The following MAGI2 variants were observed in gnomAD, a reference collection of about 807,000 sequenced individuals.
MAGI2 encodes the protein membrane associated guanylate kinase, WW and PDZ domain containing 2, also known as membrane-associated guanylate kinase, WW and PDZ domain-containing protein 2.
In MAGI2, 35 loss-of-function variants were observed where a neutral mutation model predicts 133.3. That is an observed-to-expected ratio of 0.26 (90% CI 0.20 to 0.35). The LOEUF is 0.35. MAGI2 is among the 10% of genes least tolerant of loss of function. The pLI is 1.00. For missense variants in MAGI2, 1,636 were observed against 1,863.4 expected, an observed-to-expected ratio of 0.88 and a Z score of 2.25; for synonymous variants, 729 against 710.6, an observed-to-expected ratio of 1.03 and a Z score of -0.41.
intron 2 of MAGI2, among the ~76,000 whole-genome samples, chr7:78,748,705 A>G (rs577736111): frequency 6.6e-6 from 1 of 152,230 alleles, no homozygotes; most frequent in Non-Finnish European, 1.5e-5. Flanking sequence ...TAAAAAAGAT[A>G]TCGATAGGAC....
intron 1 of MAGI2, among the ~76,000 whole-genome samples, chr7:79,170,130 T>G (rs932524062): frequency 6.9e-6 from 1 of 144,820 alleles, no homozygotes; most frequent in African/African-American, 2.5e-5. Flanking sequence ...TACTTTGAGA[T>G]ATTATACTTT....
chr7:78,991,812 T>C (rs1562760014), intron 2 of MAGI2, among the ~76,000 whole-genome samples: 1 of 152,032 alleles, frequency 6.6e-6, no homozygotes. Context: ...TCAAACCTTT[T>C]ATAGGGTTAA....
intron 7 of MAGI2, among the ~76,000 whole-genome samples, chr7:78,349,498 C>T (rs1207738466): frequency 6.6e-6 from 1 of 152,196 alleles, no homozygotes; most frequent in Non-Finnish European, 1.5e-5. Flanking sequence ...CAACTTTCCA[C>T]CTGCATGTAA....
intron 21 of MAGI2, among the ~76,000 whole-genome samples, chr7:78,056,887 C>T (rs901340105): frequency 1.3e-5 from 2 of 152,052 alleles, no homozygotes; most frequent in African/African-American, 4.8e-5. Flanking sequence ...CACATCCCTC[C>T]CACATTTTCT....
intron 10 of MAGI2, among the ~76,000 whole-genome samples, chr7:78,225,431 C>T (rs896847755): frequency 2.4e-4 from 36 of 152,080 alleles, no homozygotes; most frequent in Admixed American, 1.5e-3. Context: ...TTCACTGCAG[C>T]CTTGGCCTCC....
intron 9 of MAGI2, among the ~76,000 whole-genome samples, chr7:78,272,820 G>A (rs1794715367): frequency 6.6e-6 from 1 of 151,872 alleles, no homozygotes; most frequent in Non-Finnish European, 1.5e-5. Flanking sequence ...CCTTTATTTT[G>A]AGTCTATGTG....
chr7:78,676,443 T>C (rs1376585074), intron 2 of MAGI2, among the ~76,000 whole-genome samples: 2 of 152,144 alleles, frequency 1.3e-5, no homozygotes, highest in African/African-American at 4.8e-5. Flanking sequence ...ACTCCAGGAA[T>C]TACTCTTTTA....
chr7:78,549,988 G>A (rs1197941912), intron 3 of MAGI2, among the ~76,000 whole-genome samples: 2 of 152,140 alleles, frequency 1.3e-5, no homozygotes, highest in Non-Finnish European at 2.9e-5. Context: ...GGTTTTCAGG[G>A]TGAAGCCCAC....
chr7:78,179,327 A>G (rs1826964081), intron 13 of MAGI2, among the ~76,000 whole-genome samples: 1 of 152,256 alleles, frequency 6.6e-6, no homozygotes, highest in East Asian at 1.9e-4. Flanking sequence ...ACATGATTAT[A>G]CAGTAGCACT....
At chr7:78,707,990 A>G (rs996060968) in intron 2 of MAGI2, among the ~76,000 whole-genome samples, 1 of 152,108 alleles carries the variant, frequency 6.6e-6, no homozygotes, top group Non-Finnish European at 1.5e-5. Flanking sequence ...TATAAGATTA[A>G]TCTATATCCA....
At position 79,453,156 on chromosome 7, in the gene MAGI2, C is replaced by T. The variant is rs776192640; in HGVS notation, c.165G>A (p.Glu55=). ...GEVKPGKVAY[E]SGSKLVSEEL... ...CCTCCGACACCAATTTGCTGCCGCTCTCATAGGCCACCTTGCCGGGCTTCA... is the reference window on the plus strand; with the variant it reads ...CCTCCGACACCAATTTGCTGCCGCTTTCATAGGCCACCTTGCCGGGCTTCA... The change falls in exon 1 of 22, where the codon GAG becomes GAA. Residue 55 remains glutamate (E), a synonymous_variant. Coordinates refer to ENST00000354212, the MANE Select transcript of MAGI2 (RefSeq NM_012301.4). The T allele has an allele frequency of 3.8e-5, 62 of 1,613,958 alleles. No individual in the cohort carries two copies. Among genetic ancestry groups the T allele is most frequent in the Middle Eastern group, 1.6e-4 (1 of 6,084 alleles).
At chr7:79,320,570 A>T (rs909025512) in intron 1 of MAGI2, among the ~76,000 whole-genome samples, 2 of 152,222 alleles carry the variant, frequency 1.3e-5, no homozygotes, top group African/African-American at 4.8e-5. Context: ...ATCTTGAGAA[A>T]CTTCAATAAT....
chr7:78,478,617 C>G (rs1421235047), intron 6 of MAGI2, among the ~76,000 whole-genome samples: 3 of 143,144 alleles, frequency 2.1e-5, no homozygotes, highest in African/African-American at 3.0e-5. Context: ...CATCTGGTTC[C>G]AAACAAGATG....
Position 79,084,164 on chromosome 7 carries a change from A to G in MAGI2, c.302-76958T>C, listed in dbSNP as rs1816287686. Among the ~76,000 whole-genome samples, 5 of 151,658 alleles carry G rather than the reference A, an allele frequency of 3.3e-5. No individual in the cohort carries two copies. The South Asian group carries it at 8.3e-4, about 25-fold the overall frequency. ...TATCCATTTTACTTATTTGCACTCT[A>G]ATGTTCATTAGTTCCTTTCTTATGA... On this transcript the variant is annotated intron_variant, in intron 1 of 21. Coordinates refer to ENST00000354212, the MANE Select transcript of MAGI2 (RefSeq NM_012301.4).
At chr7:79,419,408 A>T (rs527834721) in intron 1 of MAGI2, among the ~76,000 whole-genome samples, 3 of 152,202 alleles carry the variant, frequency 2.0e-5, no homozygotes, top group Admixed American at 6.5e-5. Flanking sequence ...ACAGTAAGAA[A>T]AAGGAAAATG....
chr7:78,462,555 G>A (rs892753248), intron 6 of MAGI2, among the ~76,000 whole-genome samples: 1 of 152,124 alleles, frequency 6.6e-6, no homozygotes, highest in African/African-American at 2.4e-5. Context: ...TGAAATTACT[G>A]TACATTCTAT....
At chr7:79,220,226 G>A (rs151333499) in intron 1 of MAGI2, among the ~76,000 whole-genome samples, 101 of 152,076 alleles carry the variant, frequency 6.6e-4, no homozygotes, top group African/African-American at 1.9e-3. Flanking sequence ...AGGGGAAGCA[G>A]GGAGGTGGGT....
intron 1 of MAGI2, among the ~76,000 whole-genome samples, chr7:79,032,716 G>T (rs889940224): frequency 6.6e-6 from 1 of 151,830 alleles, no homozygotes; most frequent in East Asian, 1.9e-4. Flanking sequence ...AAGGACATTA[G>T]TAAAAGGAAA....
intron 6 of MAGI2, among the ~76,000 whole-genome samples, chr7:78,440,541 G>C (rs1440556183): frequency 1.4e-4 from 21 of 152,172 alleles, no homozygotes; most frequent in Non-Finnish European, 1.5e-5. Flanking sequence ...AAACAGACCT[G>C]ATGCCTAGCT....
Sources: allele counts gnomAD v4.1 joint callset (sites outside exome capture counted in the v4.1 genomes callset), GRCh38; gene constraint gnomAD v4.1.1; transcripts MANE v1.5; gene names NCBI Gene and HGNC (gene_info 2026-07-23, HGNC 2026-07-21).